ASTN2: variants seen among roughly 807,000 people sequenced by gnomAD.
The protein encoded by ASTN2 is astrotactin 2.
A neutral mutation model predicts 139.8 loss-of-function variants in ASTN2; 54 were observed. That is an observed-to-expected ratio of 0.39 (90% CI 0.31 to 0.48). The LOEUF (loss-of-function observed/expected upper bound fraction) is 0.48, where lower values mean the gene tolerates loss of function less well. Among genes scored for constraint, ASTN2 ranks in the 20% least tolerant of loss-of-function variants. The pLI is 0.95. For synonymous variants in ASTN2, 756 were observed against 719.5 expected, an observed-to-expected ratio of 1.05 and a Z score of -0.81; for missense variants, 1,565 against 1,725.1, an observed-to-expected ratio of 0.91 and a Z score of 1.64.
chr9:117,001,748 T>C (rs914889960), intron 7 of ASTN2, among the ~76,000 whole-genome samples: 2 of 152,226 alleles, frequency 1.3e-5, no homozygotes, highest in Non-Finnish European at 2.9e-5. Flanking sequence ...AATCCCCATC[T>C]AGAATACATT....
intron 5 of ASTN2, among the ~76,000 whole-genome samples, chr9:117,045,227 A>T (rs1352944900): frequency 6.7e-6 from 1 of 148,170 alleles, no homozygotes; most frequent in Non-Finnish European, 1.5e-5. Context: ...AGCTGATGTG[A>T]GGACAGAATA....
intron 1 of ASTN2, among the ~76,000 whole-genome samples, chr9:117,364,567 G>A (rs1439281659): frequency 6.6e-6 from 1 of 152,168 alleles, no homozygotes; most frequent in Non-Finnish European, 1.5e-5. Flanking sequence ...GATTATTGAG[G>A]AAGATAAATA....
At chr9:117,387,684 C>G (rs1361471412) in intron 1 of ASTN2, among the ~76,000 whole-genome samples, 1 of 152,146 alleles carries the variant, frequency 6.6e-6, no homozygotes, top group Non-Finnish European at 1.5e-5. Context: ...GAGCTTGAAC[C>G]AGAAGATCCA....
At chr9:116,459,551 T>C (rs1382964786) in intron 20 of ASTN2, among the ~76,000 whole-genome samples, 5 of 151,998 alleles carry the variant, frequency 3.3e-5, no homozygotes, top group Admixed American at 6.6e-5. Flanking sequence ...AAAGTAGCAT[T>C]ACAACTGAAC....
At chr9:116,831,142 T>G (rs1279572012) in intron 11 of ASTN2, among the ~76,000 whole-genome samples, 1 of 152,094 alleles carries the variant, frequency 6.6e-6, no homozygotes, top group Non-Finnish European at 1.5e-5. Context: ...AGCTAAACAA[T>G]CGGTACACCT....
intron 4 of ASTN2, among the ~76,000 whole-genome samples, chr9:117,133,868 G>A (rs941291814): frequency 3.9e-5 from 6 of 152,186 alleles, no homozygotes; most frequent in Middle Eastern, 3.4e-3. Flanking sequence ...TGCAAAAAGC[G>A]CATAGAGGTG....
chr9:116,610,582 G>A (rs1039765949), intron 19 of ASTN2, among the ~76,000 whole-genome samples: 3 of 151,908 alleles, frequency 2.0e-5, no homozygotes, highest in East Asian at 1.9e-4. Flanking sequence ...CAGCCTAGAC[G>A]ACAAAAGCGA....
intron 2 of ASTN2, among the ~76,000 whole-genome samples, chr9:117,230,834 G>A (rs1256036648): frequency 6.6e-6 from 1 of 152,124 alleles, no homozygotes; most frequent in Non-Finnish European, 1.5e-5. Context: ...CCACAGAGAA[G>A]GCTGTGGACT....
chr9:116,448,850 G>C (rs1307967715), intron 20 of ASTN2, among the ~76,000 whole-genome samples: 2 of 152,172 alleles, frequency 1.3e-5, no homozygotes, highest in African/African-American at 4.8e-5. Flanking sequence ...TAGAGAAAAT[G>C]TGTAATAGTG....
chr9:116,830,746 C>G (rs10983365), intron 11 of ASTN2, among the ~76,000 whole-genome samples: 1 of 147,674 alleles, frequency 6.8e-6, no homozygotes. Flanking sequence ...GAGCCAAGAT[C>G]GCGCCACTGC....
At chr9:116,516,218 A>G (rs1403032803) in intron 19 of ASTN2, among the ~76,000 whole-genome samples, 1 of 152,170 alleles carries the variant, frequency 6.6e-6, no homozygotes, top group East Asian at 1.9e-4. Flanking sequence ...TTGAGACTTA[A>G]GGCTCCAAAT....
At chr9:117,094,234 A>T (rs1377645977) in intron 5 of ASTN2, among the ~76,000 whole-genome samples, 1 of 146,160 alleles carries the variant, frequency 6.8e-6, no homozygotes, top group Non-Finnish European at 1.5e-5. Flanking sequence ...AAGAGGGAAG[A>T]AGGGAGGGAG....
chr9:116,574,199 T>G (rs551548897), intron 19 of ASTN2, among the ~76,000 whole-genome samples: 6 of 152,316 alleles, frequency 3.9e-5, no homozygotes, highest in Non-Finnish European at 8.8e-5. Flanking sequence ...CCATGTAGTG[T>G]GAAAACAGCC....
intron 10 of ASTN2, among the ~76,000 whole-genome samples, chr9:116,966,429 A>G (rs1049986426): frequency 6.6e-6 from 1 of 152,204 alleles, no homozygotes; most frequent in South Asian, 2.1e-4. Context: ...CAGTTGGTGC[A>G]TGCTACAGTC....
chr9:116,582,872 T>C (rs1197075833), intron 19 of ASTN2: 4 of 152,242 alleles, frequency 2.6e-5, no homozygotes, highest in East Asian at 3.8e-4. Context: ...TAGCCTGTTT[T>C]CTTATCCCTC....
chr9:117,277,965 A>G (rs1834234183), intron 2 of ASTN2, among the ~76,000 whole-genome samples: 1 of 152,250 alleles, frequency 6.6e-6, no homozygotes, highest in Non-Finnish European at 1.5e-5. Context: ...TAGACACAAA[A>G]AAATTTTCTA....
intron 22 of ASTN2, among the ~76,000 whole-genome samples, chr9:116,438,934 C>G (rs575966309): frequency 1.3e-5 from 2 of 152,194 alleles, no homozygotes; most frequent in East Asian, 3.9e-4. Flanking sequence ...TGGCCAATAA[C>G]AGCGAAACTC....
chr9:116,601,789 G>A (rs1248344407), intron 19 of ASTN2, among the ~76,000 whole-genome samples: 3 of 152,262 alleles, frequency 2.0e-5, no homozygotes, highest in East Asian at 1.9e-4. Context: ...GTGAGATATC[G>A]AATTACAGAT....
intron 13 of ASTN2, among the ~76,000 whole-genome samples, chr9:116,779,642 T>A (rs1301682964): frequency 6.6e-6 from 1 of 152,142 alleles, no homozygotes; most frequent in Non-Finnish European, 1.5e-5. Flanking sequence ...TTTCTTAAGG[T>A]TCCTCAAACT....
Sources: gnomAD v4.1 joint callset for allele counts (sites outside exome capture counted in the v4.1 genomes callset) on GRCh38, gnomAD v4.1.1 for gene constraint, MANE v1.5 for transcripts, NCBI Gene and HGNC (gene_info 2026-07-23, HGNC 2026-07-21) for gene names.